The following TENM2 variants were observed in gnomAD, a reference collection of about 807,000 sequenced individuals.
TENM2 encodes the protein teneurin-2.
In TENM2, 52 loss-of-function variants were observed where a neutral mutation model predicts 245.2. That is an observed-to-expected ratio of 0.21 (90% CI 0.17 to 0.27). The LOEUF is 0.27. Ranked by LOEUF, TENM2 falls within the 10% of genes least tolerant of loss-of-function variation. The pLI is 1.00. For synonymous variants in TENM2, 1,363 were observed against 1,438.9 expected, an observed-to-expected ratio of 0.95 and a Z score of 1.19; for missense variants, 3,046 against 3,666.8, an observed-to-expected ratio of 0.83 and a Z score of 4.37.
chr5:167,713,219 C>G (rs1460698200), intron 2 of TENM2, among the ~76,000 whole-genome samples: 7 of 151,794 alleles, frequency 4.6e-5, no homozygotes, highest in Non-Finnish European at 1.0e-4. Flanking sequence ...ATTTTTCCTA[C>G]CCCCTACGAA....
At chr5:167,862,838 A>T (rs760625133) in intron 2 of TENM2, among the ~76,000 whole-genome samples, 2 of 152,210 alleles carry the variant, frequency 1.3e-5, no homozygotes, top group Non-Finnish European at 2.9e-5. Context: ...CCAATTGTTG[A>T]TCTCCATACT....
In TENM2 at chr5:167,687,854, G is replaced by A. The variant is rs564787967; in HGVS notation, c.503-188132G>A. On this transcript the variant is annotated intron_variant, in intron 2 of 28. Transcript: ENST00000518659. ...TAAACAAATAAGCCAAGAAAAAAAA[G>A]CACTTGAAAATAGACTGCAGTCTTG... Among the ~76,000 whole-genome samples, 11 of 152,178 alleles carry A rather than the reference G, an allele frequency of 7.2e-5. No homozygotes were observed. In the South Asian group the frequency reaches 2.1e-3, roughly 29 times the overall value.
At chr5:167,526,623 TA>T (rs1265658940) in intron 2 of TENM2, among the ~76,000 whole-genome samples, 2 of 152,106 alleles carry the variant, frequency 1.3e-5, no homozygotes, top group Non-Finnish European at 2.9e-5. Context: ...TAATTCTTAT[TA>T]AAAAGTTATT....
chr5:167,052,530 C>T, the TENM2 span, among the ~76,000 whole-genome samples: 1 of 152,068 alleles, frequency 6.6e-6, no homozygotes, highest in Non-Finnish European at 1.5e-5. Flanking sequence ...GTATATGATA[C>T]AACAAATATG....
chr5:168,255,713 CTTTGT>C (rs944081908), intron 27 of TENM2, among the ~76,000 whole-genome samples: 41 of 152,282 alleles, frequency 2.7e-4, no homozygotes, highest in Admixed American at 2.6e-3. Context: ...ACTTTGTTTT[CTTTGT>C]TTTAATTTTA....
chr5:167,272,382 G>A, the TENM2 span, among the ~76,000 whole-genome samples: 1 of 152,086 alleles, frequency 6.6e-6, no homozygotes, highest in African/African-American at 2.4e-5. Flanking sequence ...AGAAAAGCAT[G>A]TCACCTGCAA....
rs185520978 is a variant in TENM2, at chr5:167,567,490, A to G, written c.502+192017A>G. The stretch of plus-strand genomic sequence containing the variant: ...GAAATGACCTCCTAGAAGAGACCCT[A>G]TAGAATTGAGAACTCTCTCTCTGAG... On this transcript the variant is annotated intron_variant, in intron 2 of 28. Coordinates refer to ENST00000518659, the Ensembl canonical transcript of TENM2. Among the ~76,000 whole-genome samples the G allele has an allele frequency of 7.5e-4, 114 of 152,306 alleles. 1 individual carries two copies. The highest frequency in any genetic ancestry group is 6.7e-3 in the Admixed American group (103 of 15,290).
At chr5:167,646,237 T>C (rs1469283002) in intron 2 of TENM2, among the ~76,000 whole-genome samples, 3 of 120,014 alleles carry the variant, frequency 2.5e-5, no homozygotes, top group Non-Finnish European at 3.5e-5. Flanking sequence ...ATATGTTGTT[T>C]TCTTATATAT....
At chr5:167,942,314 C>T (rs754760334) in intron 3 of TENM2, among the ~76,000 whole-genome samples, 6 of 152,168 alleles carry the variant, frequency 3.9e-5, no homozygotes, top group Non-Finnish European at 5.9e-5. Context: ...GCACTTTAAA[C>T]GTAGTATCTC....
chr5:167,350,449 G>T (rs1332774862), intron 1 of TENM2, among the ~76,000 whole-genome samples: 1 of 144,902 alleles, frequency 6.9e-6, no homozygotes, highest in Non-Finnish European at 1.5e-5. Context: ...GTGTGTGTAT[G>T]TATGTCCCAT....
chr5:167,569,579 A>C (rs960065699), intron 2 of TENM2, among the ~76,000 whole-genome samples: 1 of 152,140 alleles, frequency 6.6e-6, no homozygotes, highest in African/African-American at 2.4e-5. Context: ...GGGTAAGTTA[A>C]TTTTGCTAAA....
upstream of TENM2, among the ~76,000 whole-genome samples, chr5:167,283,641 C>G (rs970480982): frequency 6.6e-5 from 10 of 152,184 alleles, no homozygotes; most frequent in Admixed American, 5.9e-4. Context: ...AGGCAGTGAG[C>G]AACAGTAGCC....
chr5:167,538,069 T>C (rs1424009927), intron 2 of TENM2, among the ~76,000 whole-genome samples: 1 of 152,226 alleles, frequency 6.6e-6, no homozygotes, highest in Non-Finnish European at 1.5e-5. Flanking sequence ...CAAAACTTGT[T>C]AGCCTATGCC....
chr5:168,144,081 A>G (rs1284858381), intron 12 of TENM2, among the ~76,000 whole-genome samples: 1 of 150,996 alleles, frequency 6.6e-6, no homozygotes, highest in Non-Finnish European at 1.5e-5. Context: ...CTGGTATTGA[A>G]CTTCCAACCT....
At chr5:167,596,372 TC>T in intron 2 of TENM2, among the ~76,000 whole-genome samples, 1 of 151,976 alleles carries the variant, frequency 6.6e-6, no homozygotes, top group Middle Eastern at 3.2e-3. Flanking sequence ...TACTGGACTG[TC>T]CCCCCCAAGG....
At chr5:167,951,845 T>C (rs1169163734) in intron 3 of TENM2, among the ~76,000 whole-genome samples, 1 of 151,226 alleles carries the variant, frequency 6.6e-6, no homozygotes, top group Non-Finnish European at 1.5e-5. Context: ...TACGCAAATA[T>C]GTGTGTATAC....
chr5:167,310,734 A>T (rs867715265), intron 1 of TENM2, among the ~76,000 whole-genome samples: 24 of 152,226 alleles, frequency 1.6e-4, no homozygotes, highest in African/African-American at 5.3e-4. Context: ...AGAGATATAC[A>T]CCAGGCTTGG....
At chr5:168,117,187 A>C (rs1159345276) in intron 9 of TENM2, among the ~76,000 whole-genome samples, 1 of 152,214 alleles carries the variant, frequency 6.6e-6, no homozygotes, top group East Asian at 1.9e-4. Flanking sequence ...CTGATTTTCC[A>C]ACCTTCTTCT....
At chr5:167,335,999 C>T (rs959808862) in intron 1 of TENM2, among the ~76,000 whole-genome samples, 4 of 151,996 alleles carry the variant, frequency 2.6e-5, no homozygotes, top group Non-Finnish European at 4.4e-5. Flanking sequence ...AATAGGCTAA[C>T]TAACTATCTC....
Sources: allele counts gnomAD v4.1 joint callset (sites outside exome capture counted in the v4.1 genomes callset), GRCh38; gene constraint gnomAD v4.1.1; transcripts MANE v1.5; gene names NCBI Gene and HGNC (gene_info 2026-07-23, HGNC 2026-07-21).